The following PCDHA6 variants were observed in gnomAD, a reference collection of about 807,000 sequenced individuals.
PCDHA6 encodes the protein protocadherin alpha 6.
PCDHA6 carries 55 observed loss-of-function variants against 60.3 expected under a neutral mutation model. The observed-to-expected ratio is 0.91, with a 90% CI of 0.73 to 1.14. The LOEUF is 1.14. PCDHA6 is among the 50% of genes most tolerant of loss of function. PCDHA6 has a pLI of 0.00. For missense variants in PCDHA6, 1,327 were observed against 1,256.5 expected (o/e 1.06, Z -0.85); for synonymous variants, 652 against 557.9 (o/e 1.17, Z -2.38).
chr5:140,877,338 C>G (rs1554169617), intron 1 of PCDHA6: 2 of 1,614,012 alleles, frequency 1.2e-6, no homozygotes, highest in South Asian at 2.2e-5. Flanking sequence ...ACATCCCGTT[C>G]CACGTGGGGC....
intron 1 of PCDHA6, among the ~76,000 whole-genome samples, chr5:140,910,787 T>G (rs566298433): frequency 2.0e-5 from 3 of 152,196 alleles, no homozygotes; most frequent in Non-Finnish European, 4.4e-5. Flanking sequence ...CAACATTAAA[T>G]GCAGAATCCC....
intron 1 of PCDHA6, chr5:140,877,318 G>T (rs1193928342): frequency 1.9e-6 from 3 of 1,614,000 alleles, no homozygotes; most frequent in Non-Finnish European, 2.5e-6. Context: ...ACCGGCGGCG[G>T]TCGGCGCGCA....
intron 1 of PCDHA6, chr5:140,870,624 G>T (rs1554164487): frequency 1.2e-6 from 2 of 1,613,112 alleles, no homozygotes; most frequent in South Asian, 2.2e-5. Flanking sequence ...CGAGCTACGT[G>T]TCGGTGCACG....
chr5:140,849,672 G>C (rs2150444436), intron 1 of PCDHA6: 3 of 1,598,534 alleles, frequency 1.9e-6, no homozygotes, highest in Middle Eastern at 1.7e-4. Flanking sequence ...GACGCCCCAC[G>C]TCCCCTTCAA....
intron 1 of PCDHA6, chr5:140,876,811 G>A (rs2153346110): frequency 9.3e-6 from 15 of 1,614,218 alleles, no homozygotes; most frequent in Non-Finnish European, 1.3e-5. Context: ...GGAGGTGGCC[G>A]ACGTGAACGA....
chr5:140,965,307 C>T (rs2095888914), intron 1 of PCDHA6, among the ~76,000 whole-genome samples: 1 of 152,150 alleles, frequency 6.6e-6, no homozygotes, highest in Admixed American at 6.5e-5. Context: ...ATCCTTCTAC[C>T]TTCTCTTTTA....
rs782592420 is a variant in PCDHA6, at chr5:140,869,527, A to G, written c.2394+39042A>G. The G allele has an allele frequency of 1.2e-6, 2 of 1,614,186 alleles. No individual in the cohort carries two copies. Among genetic ancestry groups the G allele is most frequent in the African/African-American group, 2.7e-5 (2 of 75,038 alleles). On this transcript the variant is annotated intron_variant, in intron 1 of 3. Coordinates refer to ENST00000529310, the MANE Select transcript of PCDHA6 (RefSeq NM_018909.4). ...CTCGCTCAGAGAACAAAAGCTGCTG[A>G]TTGCGGAATCTAAGCAATCGGACTC...
chr5:140,978,246 C>T (rs1243560833), intron 1 of PCDHA6, among the ~76,000 whole-genome samples: 1 of 152,148 alleles, frequency 6.6e-6, no homozygotes, highest in Non-Finnish European at 1.5e-5. Flanking sequence ...TCAGCTACTC[C>T]CTGTTAAACA....
intron 1 of PCDHA6, among the ~76,000 whole-genome samples, chr5:140,898,789 C>T (rs1424905656): frequency 6.6e-6 from 1 of 152,162 alleles, no homozygotes; most frequent in Non-Finnish European, 1.5e-5. Context: ...GCAGTATGGC[C>T]ATTTTCACGA....
At chr5:140,968,867 T>C (rs2153774451) in intron 1 of PCDHA6, 2 of 1,614,188 alleles carry the variant, frequency 1.2e-6, no homozygotes, top group Non-Finnish European at 1.7e-6. Flanking sequence ...CCCTCGGACA[T>C]ACTCTGAAAT....
chr5:140,965,216 A>G (rs2095880887), intron 1 of PCDHA6, among the ~76,000 whole-genome samples: 1 of 152,224 alleles, frequency 6.6e-6, no homozygotes, highest in Non-Finnish European at 1.5e-5. Context: ...TTCCTGTGGA[A>G]GAAATGTGAG....
intron 1 of PCDHA6, chr5:140,928,126 C>T (rs782461261): frequency 1.2e-6 from 2 of 1,614,176 alleles, no homozygotes; most frequent in Non-Finnish European, 1.7e-6. Context: ...CAGTGAATAC[C>T]AAGTCCTGAT....
intron 1 of PCDHA6, chr5:140,884,515 G>T: frequency 6.2e-6 from 10 of 1,614,176 alleles, no homozygotes; most frequent in South Asian, 1.1e-5. Context: ...GGAGTTGGTC[G>T]TACTCGCAGC....
At chr5:140,852,781 G>A (rs1213399832) in intron 1 of PCDHA6, 1 of 979,508 alleles carries the variant, frequency 1.0e-6, no homozygotes, top group African/African-American at 1.8e-5. Flanking sequence ...GATGTGAATA[G>A]AGGGATGCTA....
chr5:140,959,525 C>G (rs1356711808), intron 1 of PCDHA6, among the ~76,000 whole-genome samples: 1 of 151,910 alleles, frequency 6.6e-6, no homozygotes, highest in Non-Finnish European at 1.5e-5. Flanking sequence ...TCTTTAAGAC[C>G]ATTAATTCAG....
chr5:141,002,555 A>C (rs1349538713), intron 3 of PCDHA6, among the ~76,000 whole-genome samples: 1 of 152,222 alleles, frequency 6.6e-6, no homozygotes, highest in Admixed American at 6.5e-5. Context: ...CCCAGGATCC[A>C]CCAGTTAGTG....
intron 1 of PCDHA6, among the ~76,000 whole-genome samples, chr5:140,874,637 AC>A (rs1177845104): frequency 4.6e-5 from 7 of 152,256 alleles, no homozygotes; most frequent in African/African-American, 1.7e-4. Flanking sequence ...AAAGTGCTTT[AC>A]TTTTGCTAGA....
chr5:140,980,657 A>G (rs553240428), intron 2 of PCDHA6, among the ~76,000 whole-genome samples: 2 of 151,966 alleles, frequency 1.3e-5, no homozygotes, highest in Non-Finnish European at 2.9e-5. Context: ...ATAAAATAAC[A>G]TAACTTCCTT....
rs2150495171 is a variant in PCDHA6, at chr5:140,850,706, G to C, written c.2394+20221G>C. 11 of 1,598,012 alleles carry C rather than the reference G, an allele frequency of 6.9e-6. 1 individual carries two copies. The highest frequency in any genetic ancestry group is 1.7e-5 in the Admixed American group (1 of 59,234). The stretch of plus-strand genomic sequence containing the variant: ...AGGGCGAGTGCGCGCCTGGCAAGCC[G>C]ACGCTGGTGTGTTCTAGCGCGGTGG... On this transcript the variant is annotated intron_variant, in intron 1 of 3. Transcript: ENST00000529310.
Sources: gnomAD v4.1 joint callset for allele counts (sites outside exome capture counted in the v4.1 genomes callset) on GRCh38, gnomAD v4.1.1 for gene constraint, MANE v1.5 for transcripts, NCBI Gene and HGNC (gene_info 2026-07-23, HGNC 2026-07-21) for gene names.